TMC6: variants seen among roughly 807,000 people sequenced by gnomAD.
TMC6 encodes transmembrane channel-like protein 6.
In TMC6, 71 loss-of-function variants were observed where a neutral mutation model predicts 95.4. The observed-to-expected ratio is 0.74, with a 90% CI of 0.61 to 0.91. The LOEUF (loss-of-function observed/expected upper bound fraction) is 0.91. Among genes scored for constraint, TMC6 ranks in the 40% least tolerant of loss-of-function variants. TMC6 has a pLI of 0.00. For synonymous variants in TMC6, 514 were observed against 483.1 expected, an observed-to-expected ratio of 1.06 and a Z score of -0.84; for missense variants, 1,074 against 1,079.1, an observed-to-expected ratio of 1.00 and a Z score of 0.07.
rs1318942776 is a variant in TMC6 at position 78,128,344 on chromosome 17, C to G, written c.-75+268G>C. Reference sequence around the variant, plus strand: ...CCATCCCGGCCACACCCCCTCCCCTCCCCTCCCCGTGCCCTGGCGCTCGGC... The same window carrying G: ...CCATCCCGGCCACACCCCCTCCCCTGCCCTCCCCGTGCCCTGGCGCTCGGC... On this transcript the variant is annotated intron_variant, in intron 1 of 19. Coordinates refer to ENST00000590602, the MANE Select transcript of TMC6 (RefSeq NM_001127198.5). The surrounding 1 kb of genome is among the most constrained non-coding windows in gnomAD (Gnocchi z 4.0). 6.6e-6 allele frequency among the ~76,000 whole-genome samples: 1 copy of G among 152,116 alleles called. No individual in the cohort carries two copies. The highest frequency in any genetic ancestry group is 1.5e-5 in the Non-Finnish European group (1 of 68,004).
At chr17:78,131,571 C>G, upstream of TMC6, 2 of 1,541,994 alleles carry the variant, frequency 1.3e-6, no homozygotes, top group Non-Finnish European at 1.7e-6. Flanking sequence ...GCCCCAGCCT[C>G]TACCCGTGCC....
chr17:78,115,227 C>G (rs957431494), intron 18 of TMC6, among the ~76,000 whole-genome samples: 12 of 152,210 alleles, frequency 7.9e-5, no homozygotes, highest in African/African-American at 2.9e-4. Flanking sequence ...CTGGCACCAA[C>G]TAGCCAGCAG....
At position 78,110,135 on chromosome 17, in the gene TMC6, A is replaced by G. The variant is rs1027294898; in HGVS notation, c.*3013T>C. ...TCAAATCCAAATCAACTCAATCAGA[A>G]TCTCTCGGGGTGGGCCTCAGGCACC... On this transcript the variant is annotated 3_prime_UTR_variant, in exon 20 of 20. Coordinates refer to ENST00000590602, the MANE Select transcript of TMC6 (RefSeq NM_001127198.5). 6.5e-6 allele frequency: 1 copy of G among 153,192 alleles called. No individual in the cohort carries two copies. The highest frequency in any genetic ancestry group is 1.5e-5 in the Non-Finnish European group (1 of 68,814). 9.5% of individuals were successfully genotyped at this position (153,192 alleles called of 1,614,324 possible).
chr17:78,120,615 A>G (rs755904758), intron 13 of TMC6, 38 bp downstream of exon 13: 7 of 1,613,752 alleles, frequency 4.3e-6, no homozygotes, highest in Non-Finnish European at 5.9e-6. Context: ...CACTAAGGGG[A>G]GAACACTCAC....
chr17:78,118,480 T>C (rs2613517), intron 15 of TMC6, among the ~76,000 whole-genome samples: 80,825 of 151,868 alleles, frequency 0.53, 22,903 homozygotes, highest in African/African-American at 0.72. Flanking sequence ...GGCGTGAACC[T>C]GGGAGGCGGA....
chr17:78,113,654 G>A, intron 18 of TMC6, 30 bp from the exon 19 acceptor site: 1 of 1,609,790 alleles, frequency 6.2e-7, no homozygotes, highest in South Asian at 1.1e-5. Context: ...AAGGGGAGGA[G>A]AAATCATCCA....
At chr17:78,127,029 C>T (rs890247834) in intron 1 of TMC6, 123 bp from the exon 2 acceptor site, 1 of 664,538 alleles carries the variant, frequency 1.5e-6, no homozygotes, top group African/African-American at 1.8e-5. Flanking sequence ...GCCCACCCCC[C>T]TATCACCCCA....
At chr17:78,119,469 G>T in intron 13 of TMC6, 77 bp from the exon 14 acceptor site, 1 of 1,447,576 alleles carries the variant, frequency 6.9e-7, no homozygotes, top group Non-Finnish European at 9.7e-7. Flanking sequence ...ACACCCAGAG[G>T]CACCCCGCCC....
chr17:78,118,863 C>T, intron 15 of TMC6, 108 bp downstream of exon 15: 1 of 1,282,888 alleles, frequency 7.8e-7, no homozygotes, highest in Non-Finnish European at 1.1e-6. Context: ...AGCCCCACTC[C>T]ACTCAGGTGG....
At position 78,111,715 on chromosome 17, in the gene TMC6, G is replaced by A. The variant is rs548320472; in HGVS notation, c.*1433C>T. The A allele has an allele frequency of 9.7e-4, 165 of 170,976 alleles. 1 individual carries two copies. The highest frequency in any genetic ancestry group is 1.8e-3 in the Admixed American group (29 of 15,944). The allele number at this position is 170,976 out of a possible 1,614,324, so 10.6% of individuals were successfully genotyped here. ...TGGGATTGGGTGGGCTAGACCCAGCGTGGGGGTCTGCTAGCAGCCAGTGGC... is the reference window on the plus strand; with the variant it reads ...TGGGATTGGGTGGGCTAGACCCAGCATGGGGGTCTGCTAGCAGCCAGTGGC... On this transcript the variant is annotated 3_prime_UTR_variant, in exon 20 of 20. Coordinates refer to ENST00000590602, the MANE Select transcript of TMC6 (RefSeq NM_001127198.5).
intron 5 of TMC6, 132 bp from the exon 6 acceptor site, chr17:78,125,395 C>T: frequency 1.2e-6 from 1 of 856,918 alleles, no homozygotes; most frequent in Non-Finnish European, 1.9e-6. Context: ...ATTTGAGCTT[C>T]AGTCGCCAAT....
chr17:78,126,690 C>T (rs1202838767), intron 2 of TMC6, 42 bp from the exon 3 acceptor site: 5 of 1,612,262 alleles, frequency 3.1e-6, no homozygotes, highest in Non-Finnish European at 4.2e-6. Flanking sequence ...CCAGCCACCT[C>T]TCTCCTTCCA....
chr17:78,116,205 G>C (rs1203383689), intron 18 of TMC6, among the ~76,000 whole-genome samples: 1 of 151,506 alleles, frequency 6.6e-6, no homozygotes, highest in Non-Finnish European at 1.5e-5. Context: ...TCGACCTCCT[G>C]ACCTCAAGTG....
rs753893196 is a variant in TMC6 at position 78,121,544 on chromosome 17, C to A, written c.1383+12G>T. The stretch of plus-strand genomic sequence containing the variant: ...GTTCCAAGCAAGGGCCAGGCTCCCC[C>A]CATCCCCGCACCTGGATCATGAACT... On this transcript the variant is annotated intron_variant, in intron 11 of 19. Coordinates refer to ENST00000590602, the MANE Select transcript of TMC6 (RefSeq NM_001127198.5). This position sits in a 1 kb window ranked among gnomAD's most constrained non-coding sequence, Gnocchi z 5.6. 3.1e-6 allele frequency: 5 copies of A among 1,610,968 alleles called. No individual in the cohort carries two copies. Among genetic ancestry groups the A allele is most frequent in the East Asian group, 4.5e-5 (2 of 44,864 alleles).
chr17:78,116,569 C>A (rs919246927), intron 18 of TMC6, among the ~76,000 whole-genome samples: 1 of 152,076 alleles, frequency 6.6e-6, no homozygotes, highest in African/African-American at 2.4e-5. Flanking sequence ...CCCACCACAC[C>A]CGGTCAAACA....
chr17:78,124,414 C>G, intron 8 of TMC6, 110 bp downstream of exon 8: 1 of 1,545,476 alleles, frequency 6.5e-7, no homozygotes, highest in Non-Finnish European at 8.7e-7. Flanking sequence ...CCTGGAGTCA[C>G]AGCGGGGCAA....
At position 78,121,798 on chromosome 17, in the gene TMC6, A is replaced by C; in HGVS notation, c.1228-87T>G. 8.9e-6 allele frequency: 13 copies of C among 1,452,606 alleles called. No homozygotes were observed. Among genetic ancestry groups the C allele is most frequent in the Non-Finnish European group, 1.0e-5 (11 of 1,088,734 alleles). The allele number at this position is 1,452,606 out of a possible 1,614,324, so 90.0% of individuals were successfully genotyped here. A position where few individuals can be genotyped will look rare whatever the true frequency, so the allele number is the denominator to read the frequency against. On this transcript the variant is annotated intron_variant, in intron 10 of 19. Transcript: ENST00000590602. The surrounding 1 kb of genome is among the most constrained non-coding windows in gnomAD (Gnocchi z 5.6). ...ACACAGCACAACACACACAACACAC[A>C]TGAGACACACCAGGAGGCTTGAACC...
chr17:78,123,917 A>T, intron 9 of TMC6, 72 bp downstream of exon 9: 1 of 1,577,096 alleles, frequency 6.3e-7, no homozygotes, highest in Non-Finnish European at 8.7e-7. Flanking sequence ...GGGAAGAATC[A>T]ATGAATGGGT....
intron 9 of TMC6, among the ~76,000 whole-genome samples, chr17:78,123,755 G>A (rs1168033915): frequency 6.7e-6 from 1 of 149,974 alleles, no homozygotes; most frequent in African/African-American, 2.5e-5. Context: ...TAAATGGGTG[G>A]GTGAATTGAG....
Sources: allele counts gnomAD v4.1 joint callset (sites outside exome capture counted in the v4.1 genomes callset), GRCh38; gene constraint gnomAD v4.1.1; non-coding constraint Gnocchi (gnomAD v3.1); transcripts MANE v1.5; gene names NCBI Gene and HGNC (gene_info 2026-07-23, HGNC 2026-07-21).